The following SEM1 variants were observed in gnomAD, a reference collection of about 807,000 sequenced individuals.
SEM1 encodes SEM1 26S proteasome subunit.
Under a neutral mutation model 12.7 loss-of-function variants are expected in SEM1, and 3 were observed. That is an observed-to-expected ratio of 0.24 (90% confidence interval 0.11 to 0.61). The LOEUF is 0.61. Ranked by LOEUF, SEM1 falls within the 20% of genes least tolerant of loss-of-function variation. SEM1 has a pLI of 0.88. For missense variants in SEM1, 59 were observed against 81.3 expected (o/e 0.73, Z 1.06); for synonymous variants, 30 against 27.8 (o/e 1.08, Z -0.25).
chr7:96,613,208 A>C (rs958650351), intron 2 of SEM1, among the ~76,000 whole-genome samples: 11 of 152,154 alleles, frequency 7.2e-5, no homozygotes, highest in Non-Finnish European at 1.5e-4. Context: ...TATGCAAAAT[A>C]ATTCTTGTCT....
intron 2 of SEM1, among the ~76,000 whole-genome samples, chr7:96,642,957 CTTTTA>C (rs1341372754): frequency 6.6e-6 from 1 of 151,748 alleles, no homozygotes; most frequent in African/African-American, 2.4e-5. Context: ...TAAAATTTAA[CTTTTA>C]TTTTAAGTTC....
intron 2 of SEM1, among the ~76,000 whole-genome samples, chr7:96,662,471 AGAACACAT>A (rs1789035664): frequency 1.3e-5 from 2 of 152,290 alleles, no homozygotes; most frequent in African/African-American, 4.8e-5. Flanking sequence ...TTGAACAATG[AGAACACAT>A]GGACACATGG....
chr7:96,652,307 A>T (rs565138221), intron 2 of SEM1, among the ~76,000 whole-genome samples: 1 of 152,158 alleles, frequency 6.6e-6, no homozygotes, highest in Admixed American at 6.6e-5. Context: ...CCCATTTGTT[A>T]AATGAGAGTG....
chr7:96,592,079 G>A (rs1372183446), intron 2 of SEM1, among the ~76,000 whole-genome samples: 1 of 151,846 alleles, frequency 6.6e-6, no homozygotes, highest in Admixed American at 6.6e-5. Flanking sequence ...TCTCACCACT[G>A]GTATTATCAG....
chr7:96,659,157 G>A (rs1809283675), intron 2 of SEM1, among the ~76,000 whole-genome samples: 2 of 151,954 alleles, frequency 1.3e-5, no homozygotes, highest in African/African-American at 4.8e-5. Context: ...CACAAACACA[G>A]GAAGCACATT....
At chr7:96,636,004 T>C (rs1808414987) in intron 2 of SEM1, among the ~76,000 whole-genome samples, 1 of 152,110 alleles carries the variant, frequency 6.6e-6, no homozygotes, top group East Asian at 1.9e-4. Flanking sequence ...TAGTTATACA[T>C]TTTTCTAATT....
intron 1 of SEM1, among the ~76,000 whole-genome samples, chr7:96,698,965 A>T (rs1279967574): frequency 6.6e-6 from 1 of 152,120 alleles, no homozygotes; most frequent in Non-Finnish European, 1.5e-5. Flanking sequence ...TCGCTTCCTG[A>T]ACCTGGTAGA....
intron 2 of SEM1, among the ~76,000 whole-genome samples, chr7:96,528,704 T>C (rs143140092): frequency 1.3e-5 from 2 of 152,202 alleles, no homozygotes; most frequent in African/African-American, 4.8e-5. Context: ...CCTGGGAGCT[T>C]GTTAGAAATG....
chr7:96,539,570 A>G (rs1804886293), intron 2 of SEM1, among the ~76,000 whole-genome samples: 1 of 151,836 alleles, frequency 6.6e-6, no homozygotes, highest in Non-Finnish European at 1.5e-5. Context: ...TCTATTTACA[A>G]CTGGAAATGA....
chr7:96,580,784 G>A (rs1806372047), intron 2 of SEM1, among the ~76,000 whole-genome samples: 1 of 152,104 alleles, frequency 6.6e-6, no homozygotes, highest in South Asian at 2.1e-4. Flanking sequence ...AGAAGTGTCT[G>A]TTCATGTCCT....
intron 2 of SEM1, among the ~76,000 whole-genome samples, chr7:96,554,008 G>T (rs1318327369): frequency 1.3e-5 from 2 of 151,634 alleles, no homozygotes; most frequent in East Asian, 3.9e-4. Context: ...TCTGTTGTTG[G>T]TGTATAAGAA....
At chr7:96,498,128 A>T (rs996624407), upstream of SEM1, among the ~76,000 whole-genome samples, 2 of 152,188 alleles carry the variant, frequency 1.3e-5, no homozygotes, top group Non-Finnish European at 2.9e-5. Context: ...GGTGTTACAG[A>T]TGAGGATGCC....
chr7:96,615,933 A>C (rs1464977427), intron 2 of SEM1, among the ~76,000 whole-genome samples: 1 of 152,204 alleles, frequency 6.6e-6, no homozygotes, highest in Admixed American at 6.5e-5. Flanking sequence ...CATTTTCTTC[A>C]TATAATCCTC....
At chr7:96,593,926 A>G (rs557192373) in intron 2 of SEM1, among the ~76,000 whole-genome samples, 19 of 152,014 alleles carry the variant, frequency 1.2e-4, no homozygotes, top group Non-Finnish European at 1.6e-4. Flanking sequence ...TTTTTTTAAT[A>G]AGCAAAACTG....
chr7:96,658,208 G>A (rs544257304), intron 2 of SEM1, among the ~76,000 whole-genome samples: 3 of 152,212 alleles, frequency 2.0e-5, no homozygotes, highest in African/African-American at 4.8e-5. Flanking sequence ...CTGCCAGGGT[G>A]GTGTTTTGCT....
chr7:96,500,764 C>T (rs183953941), upstream of SEM1, among the ~76,000 whole-genome samples: 56 of 152,256 alleles, frequency 3.7e-4, no homozygotes, highest in East Asian at 9.5e-3. Context: ...AGCTTCTTCT[C>T]GTATCCTGTA....
intron 2 of SEM1, among the ~76,000 whole-genome samples, chr7:96,580,712 G>T (rs1423200052): frequency 6.6e-6 from 1 of 151,778 alleles, no homozygotes; most frequent in African/African-American, 2.4e-5. Flanking sequence ...GCATTTCTCT[G>T]ATGGCCAGTG....
At chr7:96,687,120 A>T (rs1051511653), downstream of SEM1, among the ~76,000 whole-genome samples, 1 of 152,218 alleles carries the variant, frequency 6.6e-6, no homozygotes, top group Non-Finnish European at 1.5e-5. Flanking sequence ...GGCAATCATT[A>T]AAAAGTCAGG....
intron 2 of SEM1, among the ~76,000 whole-genome samples, chr7:96,531,989 A>G (rs1215498811): frequency 1.3e-5 from 2 of 152,044 alleles, no homozygotes; most frequent in Non-Finnish European, 2.9e-5. Flanking sequence ...CTGGAAAGTT[A>G]GTCTTCCTTT....
Sources: gnomAD v4.1 joint callset for allele counts (sites outside exome capture counted in the v4.1 genomes callset) on GRCh38, gnomAD v4.1.1 for gene constraint, MANE v1.5 for transcripts, NCBI Gene and HGNC (gene_info 2026-07-23, HGNC 2026-07-21) for gene names.